The following SYNDIG1L variants were observed in gnomAD, a reference collection of about 807,000 sequenced individuals.
SYNDIG1L encodes synapse differentiation-inducing gene protein 1-like.
A neutral mutation model predicts 20.1 loss-of-function variants in SYNDIG1L; 13 were observed. That is an observed-to-expected ratio of 0.65 (90% confidence interval 0.42 to 1.03). SYNDIG1L has a LOEUF of 1.03. SYNDIG1L is among the 50% of genes least tolerant of loss of function. The pLI is 0.00. For missense variants in SYNDIG1L, 294 were observed against 305.1 expected, an observed-to-expected ratio of 0.96 and a Z score of 0.27; for synonymous variants, 128 against 129.3, an observed-to-expected ratio of 0.99 and a Z score of 0.07.
intron 1 of SYNDIG1L, among the ~76,000 whole-genome samples, chr14:74,414,445 G>C (rs1566582899): frequency 6.6e-6 from 1 of 152,174 alleles, no homozygotes; most frequent in East Asian, 1.9e-4. Context: ...ACTTAGCTGG[G>C]CCCGAAGGTT....
the SYNDIG1L span, among the ~76,000 whole-genome samples, chr14:74,448,403 G>T: frequency 0.027 from 4,154 of 152,104 alleles, 83 homozygotes; most frequent in Non-Finnish European, 0.041. Context: ...CAGAGATAAA[G>T]AAGTTTATTT....
At chr14:74,426,352 C>A (rs928070201), upstream of SYNDIG1L, among the ~76,000 whole-genome samples, 98 of 151,478 alleles carry the variant, frequency 6.5e-4, no homozygotes, top group Admixed American at 5.8e-3. Context: ...CGGGGCGGGG[C>A]GGGAAGTCGG....
chr14:74,445,008 C>T, the SYNDIG1L span, among the ~76,000 whole-genome samples: 2 of 152,066 alleles, frequency 1.3e-5, no homozygotes, highest in African/African-American at 4.8e-5. Flanking sequence ...AATGTGATCC[C>T]CAGTGTTGGA....
At chr14:74,450,567 C>T in the SYNDIG1L span, among the ~76,000 whole-genome samples, 1 of 151,936 alleles carries the variant, frequency 6.6e-6, no homozygotes, top group Non-Finnish European at 1.5e-5. Flanking sequence ...TTCTTAATAA[C>T]CTAAAAATAA....
At chr14:74,455,684 G>C in the SYNDIG1L span, among the ~76,000 whole-genome samples, 1 of 152,084 alleles carries the variant, frequency 6.6e-6, no homozygotes, top group African/African-American at 2.4e-5. Context: ...CCTCCCAAAG[G>C]CTGGGATTAC....
chr14:74,417,466 A>G (rs1306775413), intron 1 of SYNDIG1L, among the ~76,000 whole-genome samples: 1 of 152,252 alleles, frequency 6.6e-6, no homozygotes, highest in Non-Finnish European at 1.5e-5. Context: ...GGATGGGGTC[A>G]GCCTTTATCA....
At chr14:74,428,202 A>G (rs1200446805), upstream of SYNDIG1L, among the ~76,000 whole-genome samples, 1 of 152,226 alleles carries the variant, frequency 6.6e-6, no homozygotes, top group African/African-American at 2.4e-5. Context: ...CTTATAATTC[A>G]ATAGCTCTGA....
chr14:74,436,986 G>A, the SYNDIG1L span, among the ~76,000 whole-genome samples: 900 of 152,092 alleles, frequency 5.9e-3, 4 homozygotes, highest in African/African-American at 0.021. Flanking sequence ...CACTCAGAGC[G>A]TTGTACTTTT....
chr14:74,435,864 A>G, the SYNDIG1L span, among the ~76,000 whole-genome samples: 1 of 152,178 alleles, frequency 6.6e-6, no homozygotes, highest in Non-Finnish European at 1.5e-5. Flanking sequence ...AGCCGTCAGG[A>G]GTTCCTCCTT....
At chr14:74,417,518 C>T (rs1172070113) in intron 1 of SYNDIG1L, among the ~76,000 whole-genome samples, 1 of 152,230 alleles carries the variant, frequency 6.6e-6, no homozygotes, top group Admixed American at 6.5e-5. Flanking sequence ...ATTGCATCCT[C>T]CCATGAGGTG....
At chr14:74,428,492 C>A (rs988492462), upstream of SYNDIG1L, among the ~76,000 whole-genome samples, 3 of 152,196 alleles carry the variant, frequency 2.0e-5, no homozygotes, top group Non-Finnish European at 2.9e-5. Context: ...ATTGTCCAGG[C>A]CTTTGAAGGA....
chr14:74,426,916 C>G (rs1249998959), upstream of SYNDIG1L, among the ~76,000 whole-genome samples: 1 of 151,988 alleles, frequency 6.6e-6, no homozygotes, highest in African/African-American at 2.4e-5. Flanking sequence ...CTCTTAAAGC[C>G]TCAGGTTCCT....
chr14:74,458,691 A>T, the SYNDIG1L span, among the ~76,000 whole-genome samples: 1 of 151,890 alleles, frequency 6.6e-6, no homozygotes, highest in Admixed American at 6.5e-5. Context: ...CTATTATAGC[A>T]TCACCCAGAA....
At chr14:74,408,437 G>A (rs925704113) in intron 2 of SYNDIG1L, among the ~76,000 whole-genome samples, 1 of 152,002 alleles carries the variant, frequency 6.6e-6, no homozygotes, top group Admixed American at 6.6e-5. Context: ...GGTGGCAGGT[G>A]CCTATAATCC....
chr14:74,453,317 C>T, the SYNDIG1L span, among the ~76,000 whole-genome samples: 123 of 126,444 alleles, frequency 9.7e-4, 1 homozygote, highest in African/African-American at 3.6e-3. Flanking sequence ...CACACCATTG[C>T]ACTCCAGCCT....
chr14:74,427,668 T>C (rs1381758048), upstream of SYNDIG1L, among the ~76,000 whole-genome samples: 4 of 152,176 alleles, frequency 2.6e-5, no homozygotes, highest in East Asian at 7.7e-4. Flanking sequence ...AGAAGCCCCC[T>C]GAGGCCAGCA....
chr14:74,469,369 G>A, the SYNDIG1L span, among the ~76,000 whole-genome samples: 100 of 121,380 alleles, frequency 8.2e-4, no homozygotes, highest in East Asian at 3.0e-3. Flanking sequence ...GGGGTCTGTC[G>A]TGGGGCGGGG....
chr14:74,440,665 A>T, the SYNDIG1L span, among the ~76,000 whole-genome samples: 3 of 152,080 alleles, frequency 2.0e-5, no homozygotes, highest in South Asian at 6.2e-4. Flanking sequence ...AGCCTGGGGG[A>T]CACAGCGAGA....
At chr14:74,439,159 T>C in the SYNDIG1L span, among the ~76,000 whole-genome samples, 2 of 150,902 alleles carry the variant, frequency 1.3e-5, no homozygotes, top group Non-Finnish European at 2.9e-5. Context: ...GTTTCCTCCT[T>C]GGTGTCTTTT....
Sources: gnomAD v4.1 joint callset for allele counts (sites outside exome capture counted in the v4.1 genomes callset) on GRCh38, gnomAD v4.1.1 for gene constraint, MANE v1.5 for transcripts, NCBI Gene and HGNC (gene_info 2026-07-23, HGNC 2026-07-21) for gene names.